TDP1: variants seen among roughly 807,000 people sequenced by gnomAD.
TDP1 encodes the protein tyrosyl-DNA phosphodiesterase 1.
Under a neutral mutation model 81.5 loss-of-function variants are expected in TDP1, and 64 were observed. The observed-to-expected ratio is 0.79, with a 90% confidence interval of 0.64 to 0.97. The LOEUF is 0.97. TDP1 is among the 50% of genes least tolerant of loss of function. The pLI is 0.00. For missense variants in TDP1, 723 were observed against 743.8 expected (o/e 0.97, Z 0.33); for synonymous variants, 256 against 264.3 (o/e 0.97, Z 0.30).
intron 16 of TDP1, among the ~76,000 whole-genome samples, chr14:90,038,427 C>A (rs571587724): frequency 6.6e-6 from 1 of 152,198 alleles, no homozygotes; most frequent in South Asian, 2.1e-4. Flanking sequence ...GAATAAACTT[C>A]ACTAAACCTG....
At chr14:89,959,332 A>G (rs1237737485) in intron 2 of TDP1, among the ~76,000 whole-genome samples, 1 of 152,264 alleles carries the variant, frequency 6.6e-6, no homozygotes, top group Non-Finnish European at 1.5e-5. Flanking sequence ...ACTTGATTAC[A>G]AAGCACTCTG....
chr14:90,042,610 T>C (rs1272080970), intron 16 of TDP1, among the ~76,000 whole-genome samples: 1 of 152,172 alleles, frequency 6.6e-6, no homozygotes, highest in Non-Finnish European at 1.5e-5. Flanking sequence ...GTCCTCACAA[T>C]CATGGTGGAA....
intron 14 of TDP1, among the ~76,000 whole-genome samples, chr14:90,003,137 G>C (rs532183686): frequency 1.3e-5 from 2 of 151,988 alleles, no homozygotes; most frequent in Non-Finnish European, 2.9e-5. Context: ...GAGGTTTCAC[G>C]GTATTGGCCA....
At chr14:90,005,447 A>G (rs962671389) in intron 14 of TDP1, among the ~76,000 whole-genome samples, 1 of 152,214 alleles carries the variant, frequency 6.6e-6, no homozygotes. Context: ...ATCATCTCCC[A>G]AGGCCCATTC....
chr14:90,037,857 G>C (rs1887979951), intron 16 of TDP1, among the ~76,000 whole-genome samples: 1 of 152,164 alleles, frequency 6.6e-6, no homozygotes, highest in Non-Finnish European at 1.5e-5. Context: ...CATGCATTGA[G>C]TTATGTCTCT....
At position 89,963,271 on chromosome 14, in the gene TDP1, A is replaced by G; in HGVS notation, c.157A>G (p.Lys53Glu). The change falls in exon 3 of 17, where the codon AAA becomes GAA. Residue 53 changes from lysine (K) to glutamate (E), a missense_variant. Transcript: ENST00000335725. ...CAGGTACACCTGTTCCGAGGCCCAG[A>G]AAGCTGCACACAAGAGGAAAATATC... ...EPRYTCSEAQKAAHKRKISPV... is the reference protein window; with the variant it reads ...EPRYTCSEAQEAAHKRKISPV... The G allele has an allele frequency of 1.2e-6, 2 of 1,614,226 alleles. No individual in the cohort carries two copies. The highest frequency in any genetic ancestry group is 1.7e-6 in the Non-Finnish European group (2 of 1,180,026).
Position 90,035,284 on chromosome 14 carries a change from T to C in TDP1, c.1753+2070T>C, listed in dbSNP as rs532779724. Among the ~76,000 whole-genome samples, 7 of 152,358 alleles carry C rather than the reference T, an allele frequency of 4.6e-5. No individual in the cohort carries two copies. The South Asian group carries it at 1.4e-3, about 32-fold the overall frequency. ...CTTTGTATTTCTCTAATCAATAGTT[T>C]GATGCTAAGTTTCAGGAGGCATTCT... On this transcript the variant is annotated intron_variant, in intron 16 of 16. Transcript: ENST00000335725.
chr14:89,961,033 A>G (rs1190596702), intron 2 of TDP1, among the ~76,000 whole-genome samples: 1 of 152,236 alleles, frequency 6.6e-6, no homozygotes, highest in Non-Finnish European at 1.5e-5. Flanking sequence ...AGGGTAGAAC[A>G]GAGATTTATA....
intron 9 of TDP1, 91 bp downstream of exon 9, chr14:89,984,774 G>A: frequency 3.1e-6 from 5 of 1,600,610 alleles, no homozygotes; most frequent in Non-Finnish European, 4.2e-6. Context: ...CTGGAAAGAG[G>A]TGGGGTGAAA....
At chr14:89,973,506 GTCC>G (rs1893892485) in intron 6 of TDP1, among the ~76,000 whole-genome samples, 2 of 152,196 alleles carry the variant, frequency 1.3e-5, no homozygotes, top group African/African-American at 4.8e-5. Context: ...ACAGGATTGT[GTCC>G]TCCTGATCTC....
At chr14:90,033,350 G>A in intron 16 of TDP1, 136 bp downstream of exon 16, 1 of 705,766 alleles carries the variant, frequency 1.4e-6, no homozygotes, top group Non-Finnish European at 2.6e-6. Context: ...AGGGCCCTTT[G>A]CCAGCCTGTC....
chr14:90,013,912 T>C lies in TDP1; in HGVS notation c.1542-5404T>C, dbSNP rs79181771. Among the ~76,000 whole-genome samples the C allele has an allele frequency of 2.3e-3, 351 of 152,320 alleles. 3 individuals carry two copies. Among genetic ancestry groups the C allele is most frequent in the African/African-American group, 7.8e-3 (323 of 41,570 alleles). ...AGAAGTGACTTGTTCCCCCTTGCCT[T>C]CTGCCATGATTGTGAAGCCTCCCTA... On this transcript the variant is annotated intron_variant, in intron 14 of 16. Transcript: ENST00000335725.
chr14:90,033,076 C>T, intron 15 of TDP1, 30 bp from the exon 16 acceptor site: 1 of 1,419,858 alleles, frequency 7.0e-7, no homozygotes, highest in South Asian at 1.2e-5. Context: ...AAATGGGGTG[C>T]AATCATAGAT....
chr14:90,010,234 C>T (rs1292010871), intron 14 of TDP1, among the ~76,000 whole-genome samples: 1 of 152,200 alleles, frequency 6.6e-6, no homozygotes, highest in Non-Finnish European at 1.5e-5. Context: ...TCAAAAACTG[C>T]ACCTTGGATA....
At chr14:89,965,932 GT>G in intron 3 of TDP1, 2 of 911,120 alleles carry the variant, frequency 2.2e-6, no homozygotes, top group Non-Finnish European at 2.6e-6. Flanking sequence ...GTTTTGCATT[GT>G]TTTATAAAAG....
At chr14:90,035,368 T>G (rs1272489977) in intron 16 of TDP1, among the ~76,000 whole-genome samples, 1 of 152,150 alleles carries the variant, frequency 6.6e-6, no homozygotes, top group Non-Finnish European at 1.5e-5. Flanking sequence ...CCTCTAAATT[T>G]CTTGTGTATT....
At chr14:90,030,674 G>A (rs549384039) in intron 15 of TDP1, among the ~76,000 whole-genome samples, 4 of 152,234 alleles carry the variant, frequency 2.6e-5, no homozygotes, top group African/African-American at 4.8e-5. Flanking sequence ...TCTACAGATC[G>A]GTATTTCTTG....
intron 6 of TDP1, among the ~76,000 whole-genome samples, chr14:89,974,565 CAT>C (rs1894042831): frequency 6.6e-6 from 1 of 152,168 alleles, no homozygotes; most frequent in African/African-American, 2.4e-5. Flanking sequence ...TCACCCATGT[CAT>C]GTGGTAAGGA....
Position 89,971,301 on chromosome 14 carries a change from G to A in TDP1, c.756+30G>A, listed in dbSNP as rs575891913. ...GCCACTTACTGCCGTTGGAGAGCAC[G>A]CGTAGTCTGAGTTAGAAGGAAACTT... On this transcript the variant is annotated intron_variant, in intron 6 of 16. Transcript: ENST00000335725. 1.4e-4 allele frequency: 223 copies of A among 1,546,712 alleles called. 3 individuals are homozygous for A. In the South Asian group the frequency reaches 2.1e-3, roughly 14 times the overall value.
Sources: gnomAD v4.1 joint callset for allele counts (sites outside exome capture counted in the v4.1 genomes callset) on GRCh38, gnomAD v4.1.1 for gene constraint, MANE v1.5 for transcripts, NCBI Gene and HGNC (gene_info 2026-07-23, HGNC 2026-07-21) for gene names.